GALNT13: variants seen among roughly 807,000 people sequenced by gnomAD.
The protein encoded by GALNT13 is polypeptide N-acetylgalactosaminyltransferase 13, also known as UDP-GalNAc:polypeptide N-acetylgalactosaminyltransferase 13.
In GALNT13, 28 loss-of-function variants were observed where a neutral mutation model predicts 64.2. That is an observed-to-expected ratio of 0.44 (90% CI 0.32 to 0.60). The LOEUF (loss-of-function observed/expected upper bound fraction) is 0.60, where lower values mean the gene tolerates loss of function less well. GALNT13 is among the 20% of genes least tolerant of loss of function. The pLI, the probability that GALNT13 is intolerant of heterozygous loss-of-function variation, is 0.05. For missense variants in GALNT13, 577 were observed against 669.8 expected (o/e 0.86, Z 1.53); for synonymous variants, 214 against 224.6 (o/e 0.95, Z 0.42).
the GALNT13 span, among the ~76,000 whole-genome samples, chr2:153,318,724 T>A: frequency 5.9e-3 from 901 of 152,320 alleles, 2 homozygotes; most frequent in South Asian, 0.012. Flanking sequence ...TGGATTTTTC[T>A]ATGCAACTGA....
At chr2:154,218,622 A>G (rs546195337) in intron 4 of GALNT13, among the ~76,000 whole-genome samples, 1 of 152,224 alleles carries the variant, frequency 6.6e-6, no homozygotes, top group African/African-American at 2.4e-5. Context: ...TGGGAAATCC[A>G]GCAGGCCTTT....
chr2:153,627,860 T>TCAAA, the GALNT13 span, among the ~76,000 whole-genome samples: 157 of 152,250 alleles, frequency 1.0e-3, 1 homozygote, highest in East Asian at 0.023. Flanking sequence ...ATATGAACTT[T>TCAAA]AAAGTAGTTT....
chr2:153,258,408 A>G, the GALNT13 span, among the ~76,000 whole-genome samples: 1 of 151,838 alleles, frequency 6.6e-6, no homozygotes, highest in African/African-American at 2.4e-5. Context: ...ACAAAACCCA[A>G]CTTTTCATTT....
chr2:154,124,936 A>T (rs542976663), intron 3 of GALNT13, among the ~76,000 whole-genome samples: 1 of 152,214 alleles, frequency 6.6e-6, no homozygotes, highest in South Asian at 2.1e-4. Context: ...TTCTGGAGAG[A>T]TTTTGAACAT....
chr2:153,276,696 A>G, the GALNT13 span, among the ~76,000 whole-genome samples: 2 of 48,664 alleles, frequency 4.1e-5, no homozygotes, highest in African/African-American at 1.3e-4. Context: ...TTATTGGCCA[A>G]TTGAATATCC....
At chr2:153,201,081 C>A in the GALNT13 span, among the ~76,000 whole-genome samples, 1 of 152,182 alleles carries the variant, frequency 6.6e-6, no homozygotes, top group Non-Finnish European at 1.5e-5. Context: ...CCCGGAAATT[C>A]CCCGGTTTCT....
intron 9 of GALNT13, among the ~76,000 whole-genome samples, chr2:154,306,306 C>T (rs902783133): frequency 2.0e-5 from 3 of 152,042 alleles, no homozygotes; most frequent in Admixed American, 6.6e-5. Flanking sequence ...CCCCTAACCC[C>T]CAACCCCCAA....
chr2:153,108,449 T>C, the GALNT13 span, among the ~76,000 whole-genome samples: 1 of 152,108 alleles, frequency 6.6e-6, no homozygotes, highest in Non-Finnish European at 1.5e-5. Context: ...TTCCCTAAAC[T>C]ATACCCATTT....
At chr2:153,482,191 G>C in the GALNT13 span, among the ~76,000 whole-genome samples, 1 of 152,024 alleles carries the variant, frequency 6.6e-6, no homozygotes, top group African/African-American at 2.4e-5. Context: ...TCACTTCTTT[G>C]TCTATTTTTC....
intron 10 of GALNT13, among the ~76,000 whole-genome samples, chr2:154,408,581 C>T (rs948360542): frequency 6.6e-6 from 1 of 151,950 alleles, no homozygotes; most frequent in Non-Finnish European, 1.5e-5. Context: ...TTTTTATTTC[C>T]TTCCATGCAA....
the GALNT13 span, chr2:153,421,704 G>T: frequency 1.0e-5 from 3 of 291,942 alleles, no homozygotes; most frequent in Non-Finnish European, 2.1e-5. Context: ...GCTGCTCAGG[G>T]TGGAAGAGCT....
At chr2:153,177,196 A>G in the GALNT13 span, among the ~76,000 whole-genome samples, 101,362 of 151,990 alleles carry the variant, frequency 0.67, 34,051 homozygotes, top group East Asian at 0.82. Context: ...GTAGACAAAC[A>G]GTATTGTAGT....
upstream of GALNT13, among the ~76,000 whole-genome samples, chr2:153,871,267 G>A (rs922111091): frequency 3.3e-5 from 5 of 152,140 alleles, no homozygotes; most frequent in African/African-American, 1.2e-4. Flanking sequence ...AAAAATTTGA[G>A]AGCCACAAGG....
chr2:153,943,002 ACTTAT>A (rs1326934456), intron 2 of GALNT13, among the ~76,000 whole-genome samples: 2 of 152,190 alleles, frequency 1.3e-5, no homozygotes, highest in African/African-American at 2.4e-5. Context: ...AAACTTCATC[ACTTAT>A]CTTATTCACA....
chr2:153,391,720 A>G, the GALNT13 span, among the ~76,000 whole-genome samples: 1 of 152,050 alleles, frequency 6.6e-6, no homozygotes, highest in South Asian at 2.1e-4. Context: ...ACCAGTAAGA[A>G]ATTCGAGAGG....
chr2:153,836,177 A>G, the GALNT13 span, among the ~76,000 whole-genome samples: 1 of 152,212 alleles, frequency 6.6e-6, no homozygotes, highest in Admixed American at 6.5e-5. Context: ...CACATGGGGC[A>G]ATTTATTGAT....
the GALNT13 span, among the ~76,000 whole-genome samples, chr2:153,389,165 G>A: frequency 6.6e-6 from 1 of 152,042 alleles, no homozygotes; most frequent in Non-Finnish European, 1.5e-5. Flanking sequence ...ACATAAAACT[G>A]ACTGAGGCTG....
At chr2:153,812,354 T>G in the GALNT13 span, among the ~76,000 whole-genome samples, 1 of 152,218 alleles carries the variant, frequency 6.6e-6, no homozygotes. Flanking sequence ...TTGTTTTTGT[T>G]TCCTTTATTC....
chr2:153,344,144 G>T, the GALNT13 span, among the ~76,000 whole-genome samples: 18 of 151,994 alleles, frequency 1.2e-4, 1 homozygote, highest in Middle Eastern at 0.01. Context: ...CTCTCAAAAG[G>T]ATATTTTCCA....
Sources: gnomAD v4.1 joint callset for allele counts (sites outside exome capture counted in the v4.1 genomes callset) on GRCh38, gnomAD v4.1.1 for gene constraint, MANE v1.5 for transcripts, NCBI Gene and HGNC (gene_info 2026-07-23, HGNC 2026-07-21) for gene names.